PNKD: variants seen among roughly 807,000 people sequenced by gnomAD.
The protein encoded by PNKD is PNKD metallo-beta-lactamase domain containing.
In PNKD, 36 loss-of-function variants were observed where a neutral mutation model predicts 45.3. That is an observed-to-expected ratio of 0.80 (90% CI 0.61 to 1.05). The LOEUF (loss-of-function observed/expected upper bound fraction) is 1.05. Ranked by LOEUF, PNKD falls within the 50% of genes least tolerant of loss-of-function variation. PNKD has a pLI of 0.00. For missense variants in PNKD, 511 were observed against 506.6 expected, an observed-to-expected ratio of 1.01 and a Z score of -0.08; for synonymous variants, 197 against 210.1, an observed-to-expected ratio of 0.94 and a Z score of 0.54.
chr2:218,312,382 C>T (rs1473979429), intron 2 of PNKD, among the ~76,000 whole-genome samples: 1 of 152,002 alleles, frequency 6.6e-6, no homozygotes, highest in Non-Finnish European at 1.5e-5. Context: ...TGGGTCTAAC[C>T]AATAGCTTGG....
chr2:218,279,118 G>T, intron 2 of PNKD: 1 of 1,613,922 alleles, frequency 6.2e-7, no homozygotes, highest in Non-Finnish European at 8.5e-7. Flanking sequence ...GACAGGAGTA[G>T]TCACCCTGAG....
At chr2:218,327,630 G>A (rs1483996371) in intron 2 of PNKD, among the ~76,000 whole-genome samples, 1 of 152,080 alleles carries the variant, frequency 6.6e-6, no homozygotes, top group Admixed American at 6.6e-5. Context: ...ATTGCCGACA[G>A]TATGGAGCCA....
chr2:218,345,140 G>A lies in PNKD; in HGVS notation c.*159G>A. On this transcript the variant is annotated 3_prime_UTR_variant, in exon 10 of 10. Coordinates refer to ENST00000273077, the MANE Select transcript of PNKD (RefSeq NM_015488.5). Reference sequence around the variant, plus strand: ...CAGGGGAGGGGAGGGATCAGGCGATGAGACTGTGAGGCCAAAAGAAGGGGG... The same window carrying A: ...CAGGGGAGGGGAGGGATCAGGCGATAAGACTGTGAGGCCAAAAGAAGGGGG... 3.1e-6 allele frequency: 2 copies of A among 642,710 alleles called. No individual in the cohort carries two copies. The highest frequency in any genetic ancestry group is 5.4e-6 in the Non-Finnish European group (2 of 373,050). 39.8% of individuals were successfully genotyped at this position (642,710 alleles called of 1,614,324 possible). A position where few individuals can be genotyped will look rare whatever the true frequency, so the allele number is the denominator to read the frequency against.
intron 2 of PNKD, among the ~76,000 whole-genome samples, chr2:218,296,026 T>C (rs56344368): frequency 0.46 from 69,813 of 151,572 alleles, 18,260 homozygotes; most frequent in South Asian, 0.63. Context: ...TTTTGTATTT[T>C]CTGTGGAGAC....
At chr2:218,279,881 C>A in intron 2 of PNKD, 1 of 674,092 alleles carries the variant, frequency 1.5e-6, no homozygotes, top group East Asian at 2.7e-5. Context: ...CCAGGTGCCC[C>A]TCTGAGAAGC....
At chr2:218,313,171 C>T (rs1487091695) in intron 2 of PNKD, among the ~76,000 whole-genome samples, 4 of 151,414 alleles carry the variant, frequency 2.6e-5, no homozygotes, top group Non-Finnish European at 4.4e-5. Flanking sequence ...AGTGCAGTGG[C>T]GTGATCTTGG....
intron 2 of PNKD, among the ~76,000 whole-genome samples, chr2:218,320,198 A>T (rs1693948575): frequency 6.6e-6 from 1 of 152,238 alleles, no homozygotes; most frequent in African/African-American, 2.4e-5. Flanking sequence ...GAAGATGAAT[A>T]AATTAAATCC....
At chr2:218,331,138 G>A (rs1420504866) in intron 2 of PNKD, among the ~76,000 whole-genome samples, 1 of 152,228 alleles carries the variant, frequency 6.6e-6, no homozygotes, top group Non-Finnish European at 1.5e-5. Flanking sequence ...GTTCCAGCCG[G>A]ACATGGTGGC....
At chr2:218,332,339 C>T (rs2106284791) in intron 2 of PNKD, among the ~76,000 whole-genome samples, 1 of 152,246 alleles carries the variant, frequency 6.6e-6, no homozygotes, top group East Asian at 1.9e-4. Flanking sequence ...GGGCTAAATG[C>T]AACTGCGAGG....
At chr2:218,317,172 G>C (rs1363311285) in intron 2 of PNKD, among the ~76,000 whole-genome samples, 1 of 152,166 alleles carries the variant, frequency 6.6e-6, no homozygotes, top group African/African-American at 2.4e-5. Context: ...GCTGAATTAT[G>C]TCGAAGGCAT....
At chr2:218,280,074 C>A in intron 2 of PNKD, 1 of 1,614,170 alleles carries the variant, frequency 6.2e-7, no homozygotes. Flanking sequence ...ACTCTCCAGG[C>A]CCGAAGCTAT....
intron 2 of PNKD, among the ~76,000 whole-genome samples, chr2:218,305,700 G>A (rs2106255318): frequency 6.6e-6 from 1 of 152,124 alleles, no homozygotes; most frequent in South Asian, 2.1e-4. Flanking sequence ...GGCTCCTCTG[G>A]GTGTGCCCCC....
At chr2:218,330,863 C>T (rs1347716553) in intron 2 of PNKD, among the ~76,000 whole-genome samples, 1 of 152,212 alleles carries the variant, frequency 6.6e-6, no homozygotes, top group African/African-American at 2.4e-5. Flanking sequence ...GCCTGGGAAG[C>T]CCATGGAGAG....
intron 2 of PNKD, chr2:218,292,593 A>C (rs1693014938): frequency 6.6e-6 from 1 of 151,760 alleles, no homozygotes; most frequent in Non-Finnish European, 1.5e-5. Context: ...GCGGGGCCTC[A>C]GGGCGCCGCC....
intron 2 of PNKD, chr2:218,323,131 G>A: frequency 1.5e-6 from 2 of 1,303,108 alleles, no homozygotes; most frequent in Non-Finnish European, 1.9e-6. Flanking sequence ...GGGTCCAAAG[G>A]AGAGGTCAAT....
chr2:218,291,386 C>T (rs749603428), intron 2 of PNKD, among the ~76,000 whole-genome samples: 22 of 152,202 alleles, frequency 1.4e-4, no homozygotes, highest in Non-Finnish European at 2.1e-4. Context: ...GCACCTGGCT[C>T]CCCTGCCACC....
At chr2:218,315,018 TTC>T (rs71064432) in intron 2 of PNKD, among the ~76,000 whole-genome samples, 36 of 2,208 alleles carry the variant, frequency 0.016, 2 homozygotes, top group South Asian at 0.054. Flanking sequence ...TTCTTTTTCT[TTC>T]TTTCTTTCTT....
chr2:218,334,662 T>C (rs1397269431), intron 2 of PNKD: 7 of 701,612 alleles, frequency 1.0e-5, no homozygotes, highest in South Asian at 1.5e-5. Context: ...AAAAGAATTA[T>C]AGATTTGCAT....
At chr2:218,284,883 GAGTTCGAGACCAGCC>G (rs1692375711) in intron 2 of PNKD, among the ~76,000 whole-genome samples, 1 of 152,196 alleles carries the variant, frequency 6.6e-6, no homozygotes, top group Non-Finnish European at 1.5e-5. Flanking sequence ...CTGAGATCAG[GAGTTCGAGACCAGCC>G]TGGCCAAATG....
Sources: allele counts gnomAD v4.1 joint callset (sites outside exome capture counted in the v4.1 genomes callset), GRCh38; gene constraint gnomAD v4.1.1; transcripts MANE v1.5; gene names NCBI Gene and HGNC (gene_info 2026-07-23, HGNC 2026-07-21).